ZNF710: variants seen among roughly 807,000 people sequenced by gnomAD.
ZNF710 encodes the protein zinc finger protein 710.
Under a neutral mutation model 50.6 loss-of-function variants are expected in ZNF710, and 13 were observed. The observed-to-expected ratio is 0.26, with a 90% CI of 0.17 to 0.41. ZNF710 has a LOEUF of 0.41. Among genes scored for constraint, ZNF710 ranks in the 10% least tolerant of loss-of-function variants. The probability of loss-of-function intolerance (pLI) is 1.00; values close to 1 mark genes in which losing one functional copy is unlikely to be tolerated. For synonymous variants in ZNF710, 383 were observed against 397.0 expected (o/e 0.96, Z 0.42); for missense variants, 721 against 936.6 (o/e 0.77, Z 3.01).
At chr15:90,003,367 C>T (rs893891067) in intron 1 of ZNF710, among the ~76,000 whole-genome samples, 3 of 152,160 alleles carry the variant, frequency 2.0e-5, no homozygotes, top group Admixed American at 2.0e-4. Context: ...GGGAAATTCA[C>T]AAAACTCCCC....
At chr15:90,041,087 A>G (rs1329731838) in intron 1 of ZNF710, among the ~76,000 whole-genome samples, 1 of 151,938 alleles carries the variant, frequency 6.6e-6, no homozygotes, top group Non-Finnish European at 1.5e-5. Flanking sequence ...ACACCAACAG[A>G]TTAGGAAAAC....
intron 1 of ZNF710, among the ~76,000 whole-genome samples, chr15:90,009,916 C>G (rs1167868196): frequency 3.9e-5 from 6 of 152,114 alleles, no homozygotes; most frequent in Non-Finnish European, 1.5e-5. Context: ...TTCCTCTTAC[C>G]TGACTGCCCG....
chr15:90,055,853 G>C (rs1413731505), intron 1 of ZNF710, among the ~76,000 whole-genome samples: 2 of 152,202 alleles, frequency 1.3e-5, no homozygotes, highest in Non-Finnish European at 2.9e-5. Context: ...GGTGGCCCAC[G>C]CCTGTAATCC....
chr15:90,025,547 A>G (rs1200568644), intron 1 of ZNF710: 2 of 152,198 alleles, frequency 1.3e-5, no homozygotes, highest in Non-Finnish European at 2.9e-5. Context: ...ATATATGTAA[A>G]TACACTGTAT....
chr15:90,066,306 A>T (rs981722835), intron 1 of ZNF710, among the ~76,000 whole-genome samples: 13 of 152,272 alleles, frequency 8.5e-5, no homozygotes, highest in African/African-American at 2.4e-4. Context: ...CTCACCGCAC[A>T]GTCCCAAGGT....
chr15:90,020,569 G>A (rs1898586486), intron 1 of ZNF710, among the ~76,000 whole-genome samples: 1 of 152,226 alleles, frequency 6.6e-6, no homozygotes, highest in African/African-American at 2.4e-5. Flanking sequence ...CCCTTGAGAT[G>A]AGGGACGTTT....
At chr15:90,019,187 C>CTTTTTTTTTTTTTTTTTTTTTTTTT (rs11285838) in intron 1 of ZNF710, among the ~76,000 whole-genome samples, 3 of 89,358 alleles carry the variant, frequency 3.4e-5, no homozygotes, top group Middle Eastern at 0.011. Flanking sequence ...CTTTTTCTTT[C>CTTTTTTTTTTTTTTTTTTTTTTTTT]TTTTTTTTTT....
At chr15:90,051,009 T>G (rs978455205) in intron 1 of ZNF710, among the ~76,000 whole-genome samples, 1 of 148,888 alleles carries the variant, frequency 6.7e-6, no homozygotes, top group Non-Finnish European at 1.5e-5. Context: ...GAGGCCGAGG[T>G]GGGCGGATCA....
intron 1 of ZNF710, among the ~76,000 whole-genome samples, chr15:90,064,981 G>A (rs1386326808): frequency 6.6e-6 from 1 of 152,094 alleles, no homozygotes; most frequent in Non-Finnish European, 1.5e-5. Context: ...CGAGGTCCTC[G>A]CTGACTGCAT....
intron 1 of ZNF710, among the ~76,000 whole-genome samples, chr15:90,013,902 G>A (rs1054495826): frequency 1.3e-5 from 2 of 152,122 alleles, no homozygotes; most frequent in Admixed American, 6.6e-5. Context: ...GTCTGTGAGT[G>A]TACACGTTCG....
rs1567236953 is a variant in ZNF710 at position 90,058,721 on chromosome 15, A to ATATATATATATATATATATGTATG, written c.-28-8389_-28-8388insTATATATATATATATATATGTATG. Among the ~76,000 whole-genome samples, 178 of 144,522 alleles carry ATATATATATATATATATATGTATG rather than the reference A, an allele frequency of 1.2e-3. 1 individual carries two copies. The highest frequency in any genetic ancestry group is 4.8e-3 in the African/African-American group (167 of 34,516). 94.8% of individuals were successfully genotyped at this position (144,522 alleles called of 152,430 possible). On this transcript the variant is annotated intron_variant, in intron 1 of 4. Coordinates refer to ENST00000268154, the MANE Select transcript of ZNF710 (RefSeq NM_198526.4). ...TATATTTATATATATATATATATAC[A>ATATATATATATATATATATGTATG]CACATATACACACACACGTACACAG...
At chr15:90,019,480 G>A (rs1209935939) in intron 1 of ZNF710, among the ~76,000 whole-genome samples, 2 of 152,128 alleles carry the variant, frequency 1.3e-5, no homozygotes, top group African/African-American at 2.4e-5. Flanking sequence ...AAGGCTGTTC[G>A]TCTAGATGGG....
chr15:90,008,423 T>TATATATATATATAC (rs1567218321), intron 1 of ZNF710, among the ~76,000 whole-genome samples: 94 of 140,274 alleles, frequency 6.7e-4, no homozygotes, highest in African/African-American at 2.6e-3. Context: ...TGTGTGTGTG[T>TATATATATATATAC]GTGTATATAT....
chr15:90,002,077 G>T (rs1183849471), intron 1 of ZNF710, among the ~76,000 whole-genome samples: 1 of 151,276 alleles, frequency 6.6e-6, no homozygotes, highest in East Asian at 2.0e-4. Context: ...GGAGGCTCTC[G>T]GGCCCGCACG....
chr15:90,073,027 C>G (rs1318506074), intron 2 of ZNF710, 44 bp from the exon 3 acceptor site: 1 of 1,589,164 alleles, frequency 6.3e-7, no homozygotes, highest in Admixed American at 1.7e-5. Context: ...CTGCCAGAGG[C>G]TGTGCCCATT....
intron 1 of ZNF710, among the ~76,000 whole-genome samples, chr15:90,064,719 C>T (rs892219985): frequency 6.6e-6 from 1 of 152,166 alleles, no homozygotes; most frequent in African/African-American, 2.4e-5. Flanking sequence ...AACTCCTGAC[C>T]TCAAGTGATC....
At chr15:90,025,545 A>G (rs1450805819) in intron 1 of ZNF710, 1 of 152,208 alleles carries the variant, frequency 6.6e-6, no homozygotes, top group African/African-American at 2.4e-5. Flanking sequence ...GCATATATGT[A>G]AATACACTGT....
chr15:90,004,207 G>A (rs1433228028), intron 1 of ZNF710, among the ~76,000 whole-genome samples: 1 of 152,228 alleles, frequency 6.6e-6, no homozygotes, highest in Non-Finnish European at 1.5e-5. Flanking sequence ...TTTTGAGTTG[G>A]AGGAAGGGAG....
intron 2 of ZNF710, among the ~76,000 whole-genome samples, chr15:90,070,564 T>A (rs1046101755): frequency 2.6e-5 from 4 of 151,922 alleles, no homozygotes; most frequent in African/African-American, 9.7e-5. Flanking sequence ...TAGTCCCAGC[T>A]TGAACCCAGG....
Sources: allele counts gnomAD v4.1 joint callset (sites outside exome capture counted in the v4.1 genomes callset), GRCh38; gene constraint gnomAD v4.1.1; transcripts MANE v1.5; gene names NCBI Gene and HGNC (gene_info 2026-07-23, HGNC 2026-07-21).